The following ASTN2 variants were observed in gnomAD, a reference collection of about 807,000 sequenced individuals.
ASTN2 encodes astrotactin-2.
Under a neutral mutation model 139.8 loss-of-function variants are expected in ASTN2, and 54 were observed. The ratio of observed to expected loss-of-function variants is 0.39; its 90% CI spans 0.31 to 0.48. ASTN2 has a LOEUF of 0.48. Ranked by LOEUF, ASTN2 falls within the 20% of genes least tolerant of loss-of-function variation. ASTN2 has a pLI of 0.95. For synonymous variants in ASTN2, 756 were observed against 719.5 expected (o/e 1.05, Z -0.81); for missense variants, 1,565 against 1,725.1 (o/e 0.91, Z 1.64).
At position 116,438,672 on chromosome 9, in the gene ASTN2, C is replaced by T. The variant is rs1395981665; in HGVS notation, c.3782+1937G>A. ...TTCAAAAGGAAAATCTTGGGCCGGG[C>T]GGTGGCTCACGCCTGTAATCCTAGC... On this transcript the variant is annotated intron_variant, in intron 22 of 22. Transcript: ENST00000313400. Among the ~76,000 whole-genome samples the T allele has an allele frequency of 2.0e-5, 3 of 152,196 alleles. No individual in the cohort carries two copies. The South Asian group carries it at 6.2e-4, about 32-fold the overall frequency.
At chr9:116,842,728 C>A (rs892359762) in intron 11 of ASTN2, among the ~76,000 whole-genome samples, 1 of 82,392 alleles carries the variant, frequency 1.2e-5, no homozygotes, top group East Asian at 3.9e-4. Flanking sequence ...AGGAGGGAAG[C>A]GGCGAGGGTG....
At position 116,651,735 on chromosome 9, in the gene ASTN2, G is replaced by A; in HGVS notation, c.2865C>T (p.Leu955=). The A allele has an allele frequency of 6.2e-7, 1 of 1,614,188 alleles. No homozygotes were observed. The highest frequency in any genetic ancestry group is 8.5e-7 in the Non-Finnish European group (1 of 1,180,040). Residue 955 remains leucine, a synonymous_variant, in exon 17 of 23, where the codon CTC becomes CTT. Coordinates refer to ENST00000313400, the MANE Select transcript of ASTN2 (RefSeq NM_001365068.1). ...ELKSMPFITY[L]SGLLTAQMLS... ...GCATCTGGGCTGTCAGCAAACCTGA[G>A]AGGTAGGTGATGAAGGGCATGGACT... is the stretch of plus-strand genomic sequence containing the variant.
intron 19 of ASTN2, among the ~76,000 whole-genome samples, chr9:116,526,512 C>A (rs1412424657): frequency 1.3e-5 from 2 of 151,790 alleles, no homozygotes; most frequent in Admixed American, 6.6e-5. Context: ...ATCCCAGCCA[C>A]TTGAGAGACT....
At chr9:116,806,303 T>G (rs1588308623) in intron 12 of ASTN2, among the ~76,000 whole-genome samples, 1 of 152,312 alleles carries the variant, frequency 6.6e-6, no homozygotes, top group East Asian at 1.9e-4. Flanking sequence ...CACTTAGGGA[T>G]TTTAGCAGCC....
rs145436665 is a variant in ASTN2 at position 117,034,873 on chromosome 9, G to A, written c.1423+4946C>T. Among the ~76,000 whole-genome samples, 342 of 152,320 alleles carry A rather than the reference G, an allele frequency of 2.2e-3. 1 individual carries two copies. The highest frequency in any genetic ancestry group is 7.6e-3 in the African/African-American group (318 of 41,572). On this transcript the variant is annotated intron_variant, in intron 6 of 22. Transcript: ENST00000313400. The stretch of plus-strand genomic sequence containing the variant: ...AAAGAAGGGGTGAGATTTGCCAAGG[G>A]TTTGGATAGGAACTGTGTCAGAACT...
intron 16 of ASTN2, among the ~76,000 whole-genome samples, chr9:116,676,423 T>TA (rs1257144484): frequency 2.0e-5 from 3 of 152,158 alleles, no homozygotes; most frequent in Non-Finnish European, 4.4e-5. Context: ...GGATTTAGGA[T>TA]CCCTACAAGC....
intron 2 of ASTN2, among the ~76,000 whole-genome samples, chr9:117,215,087 G>A (rs73533178): frequency 6.6e-6 from 1 of 152,212 alleles, no homozygotes; most frequent in Non-Finnish European, 1.5e-5. Context: ...ATAGCTCAGT[G>A]GCAGGAAGGG....
intron 7 of ASTN2, among the ~76,000 whole-genome samples, chr9:116,989,585 G>GTT (rs1564373097): frequency 5.8e-5 from 4 of 69,386 alleles, no homozygotes; most frequent in Non-Finnish European, 1.2e-4. Context: ...ATTATATTTG[G>GTT]GTTTTTTTTT....
At chr9:117,371,535 A>G (rs1322943065) in intron 1 of ASTN2, among the ~76,000 whole-genome samples, 4 of 152,160 alleles carry the variant, frequency 2.6e-5, no homozygotes, top group Non-Finnish European at 5.9e-5. Context: ...GGAGCTGGAT[A>G]ACGTGGATTT....
intron 19 of ASTN2, among the ~76,000 whole-genome samples, chr9:116,489,430 A>G (rs898892666): frequency 7.9e-5 from 12 of 152,044 alleles, no homozygotes; most frequent in African/African-American, 2.9e-4. Context: ...TCTGCCCCGC[A>G]GGCTCAAGAG....
chr9:117,091,088 G>C (rs1320689023), intron 5 of ASTN2, among the ~76,000 whole-genome samples: 1 of 152,176 alleles, frequency 6.6e-6, no homozygotes, highest in African/African-American at 2.4e-5. Context: ...AAAATAGGGA[G>C]AGGTAAGGCC....
chr9:116,532,631 T>C (rs1453019437), intron 19 of ASTN2, among the ~76,000 whole-genome samples: 1 of 152,220 alleles, frequency 6.6e-6, no homozygotes, highest in African/African-American at 2.4e-5. Context: ...CCTTTCCCCA[T>C]TTCTTGTTTT....
intron 4 of ASTN2, among the ~76,000 whole-genome samples, chr9:117,097,931 A>C (rs1227383310): frequency 6.6e-6 from 1 of 152,200 alleles, no homozygotes; most frequent in Non-Finnish European, 1.5e-5. Context: ...TGTAGACATT[A>C]TTGCTGACAA....
At chr9:117,407,274 C>T (rs10739493) in intron 1 of ASTN2, among the ~76,000 whole-genome samples, 98,220 of 152,040 alleles carry the variant, frequency 0.65, 32,346 homozygotes, top group African/African-American at 0.76. Flanking sequence ...AAATTCAACA[C>T]CTTCAGAACA....
Position 117,017,774 on chromosome 9 carries a change from C to T in ASTN2, c.1424-9515G>A, listed in dbSNP as rs10983459. 4.1e-4 allele frequency among the ~76,000 whole-genome samples: 63 copies of T among 152,130 alleles called. No individual in the cohort carries two copies. In the East Asian group the frequency reaches 0.011, roughly 27 times the overall value. ...CTGTCTGTATATACAATACATATTA[C>T]TATATATTTTGCATGTGTATATACA... On this transcript the variant is annotated intron_variant, in intron 6 of 22. Coordinates refer to ENST00000313400, the MANE Select transcript of ASTN2 (RefSeq NM_001365068.1).
At chr9:116,446,138 G>C (rs940660656) in intron 20 of ASTN2, among the ~76,000 whole-genome samples, 19 of 151,732 alleles carry the variant, frequency 1.3e-4, no homozygotes, top group African/African-American at 4.6e-4. Context: ...AAGTTGGGGG[G>C]GGACAGAGAC....
At position 116,699,489 on chromosome 9, in the gene ASTN2, G is replaced by A. The variant is rs549155360; in HGVS notation, c.2806+26282C>T. 4 of 1,614,220 alleles carry A rather than the reference G, an allele frequency of 2.5e-6. No homozygotes were observed. Among genetic ancestry groups the A allele is most frequent in the Non-Finnish European group, 3.4e-6 (4 of 1,180,042 alleles). On this transcript the variant is annotated intron_variant, in intron 16 of 22. Transcript: ENST00000313400. The surrounding 1 kb of genome is among the most constrained non-coding windows in gnomAD (Gnocchi z 4.2). Reference sequence around the variant, plus strand: ...TTTCCGCTGCATTGCTGGCATGTGTGTGGATGCTCGTGGTGATCTCATCGT... The same window carrying A: ...TTTCCGCTGCATTGCTGGCATGTGTATGGATGCTCGTGGTGATCTCATCGT...
At chr9:116,529,288 T>C (rs961723455) in intron 19 of ASTN2, among the ~76,000 whole-genome samples, 3 of 151,970 alleles carry the variant, frequency 2.0e-5, no homozygotes, top group African/African-American at 7.2e-5. Context: ...AAAGGAGAGA[T>C]TATTTTGGAC....
At chr9:116,450,273 C>T (rs1244702055) in intron 20 of ASTN2, among the ~76,000 whole-genome samples, 1 of 152,200 alleles carries the variant, frequency 6.6e-6, no homozygotes, top group Non-Finnish European at 1.5e-5. Context: ...ACAGAAATCA[C>T]AGCATCGTCA....
Sources: allele counts gnomAD v4.1 joint callset (sites outside exome capture counted in the v4.1 genomes callset), GRCh38; gene constraint gnomAD v4.1.1; non-coding constraint Gnocchi (gnomAD v3.1); transcripts MANE v1.5; gene names NCBI Gene and HGNC (gene_info 2026-07-23, HGNC 2026-07-21).